Variants in HDAC5 observed in about 807,000 individuals in gnomAD.
HDAC5 encodes the protein histone deacetylase 5.
In HDAC5, 25 loss-of-function variants were observed where a neutral mutation model predicts 133.3. The ratio of observed to expected loss-of-function variants is 0.19; its 90% confidence interval spans 0.14 to 0.26. HDAC5 has a LOEUF of 0.26. HDAC5 is among the 10% of genes least tolerant of loss of function. The pLI is 1.00. For synonymous variants in HDAC5, 589 were observed against 610.8 expected (o/e 0.96, Z 0.53); for missense variants, 1,041 against 1,460.5 (o/e 0.71, Z 4.68).
At chr17:44,109,428 C>G (rs1044415895) in intron 3 of HDAC5, among the ~76,000 whole-genome samples, 2 of 152,140 alleles carry the variant, frequency 1.3e-5, no homozygotes, top group African/African-American at 4.8e-5. Context: ...TCTTGTAGAG[C>G]CGGTTCCCAA....
At chr17:44,082,407 G>A in intron 20 of HDAC5, 178 bp downstream of exon 20, 1 of 601,376 alleles carries the variant, frequency 1.7e-6, no homozygotes, top group South Asian at 2.0e-5. Context: ...CTGTTGGAAT[G>A]TGACGTTAGT....
In HDAC5 at chr17:44,080,039, C is replaced by T. The variant is rs1482043485; in HGVS notation, c.2944+68G>A. 17 of 1,105,332 alleles carry T rather than the reference C, an allele frequency of 1.5e-5. No homozygotes were observed. The Admixed American group carries it at 2.9e-4, about 19-fold the overall frequency. 68.5% of individuals were successfully genotyped at this position (1,105,332 alleles called of 1,614,324 possible). ...TGCTGCAATATCAGTCTGTTCCCTG[C>T]CCCATGCCTCACTGGACTCGATATC... On this transcript the variant is annotated intron_variant, in intron 23 of 26. Transcript: ENST00000682912.
intron 21 of HDAC5, 130 bp from the exon 22 acceptor site, chr17:44,080,628 T>C: frequency 6.8e-7 from 1 of 1,466,414 alleles, no homozygotes; most frequent in Non-Finnish European, 9.5e-7. Flanking sequence ...GTCAGATCAG[T>C]GTGGTCCTCC....
At chr17:44,120,721 A>G (rs913611149) in intron 1 of HDAC5, 3 of 151,868 alleles carry the variant, frequency 2.0e-5, no homozygotes, top group African/African-American at 7.3e-5. Flanking sequence ...CGCCTGGGCA[A>G]TAAGAGTGAA....
chr17:44,080,660 A>C, intron 21 of HDAC5, 103 bp downstream of exon 21: 1 of 1,543,316 alleles, frequency 6.5e-7, no homozygotes, highest in Admixed American at 1.7e-5. Context: ...CAGACTCCCC[A>C]GGTACCAACA....
In HDAC5 at chr17:44,077,526, A is replaced by G. The variant is rs2050174729; in HGVS notation, c.*850T>C. On this transcript the variant is annotated 3_prime_UTR_variant, in exon 27 of 27. Coordinates refer to ENST00000682912, the MANE Select transcript of HDAC5 (RefSeq NM_005474.5). ...TCCTGACAGCAGGGGGGCTCTCACC[A>G]GCCTGGAGCCCCTCTGCAGGGACCA... The G allele has an allele frequency of 6.6e-6, 1 of 152,272 alleles. No individual in the cohort carries two copies. The highest frequency in any genetic ancestry group is 2.1e-4 in the South Asian group (1 of 4,836). The allele number at this position is 152,272 out of a possible 1,614,324, so 9.4% of individuals were successfully genotyped here.
intron 2 of HDAC5, chr17:44,111,469 C>G: frequency 2.4e-6 from 1 of 423,836 alleles, no homozygotes; most frequent in South Asian, 1.7e-5. Flanking sequence ...GGGAAGGGCG[C>G]CGGCCAGGGT....
intron 3 of HDAC5, among the ~76,000 whole-genome samples, chr17:44,097,041 G>A (rs904211711): frequency 6.6e-6 from 1 of 152,230 alleles, no homozygotes; most frequent in Non-Finnish European, 1.5e-5. Context: ...TTAAAGAGAA[G>A]AGAGGGAGGT....
At chr17:44,083,421 T>TG in intron 18 of HDAC5, 124 bp downstream of exon 18, 1 of 666,508 alleles carries the variant, frequency 1.5e-6, no homozygotes, top group Non-Finnish European at 2.6e-6. Flanking sequence ...CCCACCCTGG[T>TG]GCCTGAGAGT....
At chr17:44,088,813 C>G (rs1268918411) in intron 11 of HDAC5, among the ~76,000 whole-genome samples, 3 of 152,172 alleles carry the variant, frequency 2.0e-5, no homozygotes, top group Non-Finnish European at 4.4e-5. Context: ...AAGGTACCAC[C>G]TCCAGCAAGC....
At chr17:44,089,747 CA>C (rs869263828) in intron 11 of HDAC5, among the ~76,000 whole-genome samples, 251 of 34,046 alleles carry the variant, frequency 7.4e-3, no homozygotes, top group African/African-American at 0.033. Flanking sequence ...AACTTCGTCT[CA>C]AAAAAAAAAA....
chr17:44,091,005 TA>T lies in HDAC5; in HGVS notation c.1387+264del, dbSNP rs555996113. On this transcript the variant is annotated intron_variant, in intron 11 of 26. Coordinates refer to ENST00000682912, the MANE Select transcript of HDAC5 (RefSeq NM_005474.5). ...CGCCCGGCCTTCTTTTTACATTTTTTAATGTGGATGCTAGAAATTACGTATG... is the reference window on the plus strand; with the variant it reads ...CGCCCGGCCTTCTTTTTACATTTTTTATGTGGATGCTAGAAATTACGTATG... Among the ~76,000 whole-genome samples the T allele has an allele frequency of 1.3e-3, 204 of 152,378 alleles. 1 individual carries two copies. The highest frequency in any genetic ancestry group is 4.7e-3 in the African/African-American group (196 of 41,594).
intron 18 of HDAC5, 67 bp from the exon 19 acceptor site, chr17:44,082,887 G>C: frequency 7.3e-7 from 1 of 1,366,206 alleles, no homozygotes. Flanking sequence ...GGGTAGCACA[G>C]GACAGAAGCA....
rs376041842 is a variant in HDAC5 at position 44,079,162 on chromosome 17, C to T, written c.3060G>A (p.Ser1020=). The change falls in exon 24 of 27, where the codon TCG becomes TCA. Residue 1020 remains serine (S), a synonymous_variant. Transcript: ENST00000682912. ...CCCTTACCTCTACACTGAGCAGAGC[C>T]GAGACACAAGCCTCAGAGGCATCAC... ...AICDASEACV[S]ALLSVELQPL... 6.2e-6 allele frequency: 10 copies of T among 1,613,248 alleles called. No individual in the cohort carries two copies. Among genetic ancestry groups the T allele is most frequent in the African/African-American group, 2.7e-5 (2 of 74,908 alleles).
At chr17:44,100,910 T>A (rs1183776481) in intron 3 of HDAC5, among the ~76,000 whole-genome samples, 3 of 148,656 alleles carry the variant, frequency 2.0e-5, no homozygotes, top group Non-Finnish European at 3.0e-5. Flanking sequence ...TGCCTCAGCC[T>A]CCTGAATAGC....
chr17:44,117,424 G>A lies in HDAC5; in HGVS notation c.22+70C>T, dbSNP rs1322871202. ...ACAGTAAAGGTCAGCTGGCCTGGAAGGGAAACCCACACAGCCCATTGCATC... is the reference window on the plus strand; with the variant it reads ...ACAGTAAAGGTCAGCTGGCCTGGAAAGGAAACCCACACAGCCCATTGCATC... On this transcript the variant is annotated intron_variant, in intron 2 of 26. Coordinates refer to ENST00000682912, the MANE Select transcript of HDAC5 (RefSeq NM_005474.5). The surrounding 1 kb of genome is among the most constrained non-coding windows in gnomAD (Gnocchi z 4.2). The A allele has an allele frequency of 1.3e-6, 2 of 1,539,704 alleles. No individual in the cohort carries two copies. The highest frequency in any genetic ancestry group is 1.4e-5 in the African/African-American group (1 of 73,450).
rs1248327203 is a variant in HDAC5, at chr17:44,083,581, C to T, written c.2427G>A (p.Leu809=). The stretch of plus-strand genomic sequence containing the variant: ...CTGCAGCCACCTTGAAGGCCAGCTC[C>T]AGCAGGCAGCCCACTGCCATGCGCA... ...SAVRMAVGCL[L]ELAFKVAAGE... The change falls in exon 18 of 27, where the codon CTG becomes CTA. Residue 809 remains leucine, a synonymous_variant. Transcript: ENST00000682912. 2 of 1,614,082 alleles carry T rather than the reference C, an allele frequency of 1.2e-6. No homozygotes were observed. Among genetic ancestry groups the T allele is most frequent in the Non-Finnish European group, 1.7e-6 (2 of 1,179,992 alleles).
intron 22 of HDAC5, 52 bp from the exon 23 acceptor site, chr17:44,080,277 G>T: frequency 6.4e-7 from 1 of 1,564,852 alleles, no homozygotes; most frequent in African/African-American, 1.4e-5. Context: ...GCCAGGCCTC[G>T]CCCCACTGTT....
chr17:44,107,641 TACCTGATAGCCTTGTC>T (rs1178257518), intron 3 of HDAC5, among the ~76,000 whole-genome samples: 2 of 145,338 alleles, frequency 1.4e-5, no homozygotes, highest in African/African-American at 5.1e-5. Flanking sequence ...GCAGGGAAAG[TACCTGATAGCCTTGTC>T]ACTCAGTGCA....
Sources: gnomAD v4.1 joint callset for allele counts (sites outside exome capture counted in the v4.1 genomes callset) on GRCh38, gnomAD v4.1.1 for gene constraint, Gnocchi (gnomAD v3.1) non-coding constraint, MANE v1.5 for transcripts, NCBI Gene and HGNC (gene_info 2026-07-23, HGNC 2026-07-21) for gene names.